Variants in CSMD3 observed in about 807,000 individuals in gnomAD.
The protein encoded by CSMD3 is CUB and sushi domain-containing protein 3.
A neutral mutation model predicts 435.2 loss-of-function variants in CSMD3; 177 were observed. The ratio of observed to expected loss-of-function variants is 0.41; its 90% CI spans 0.36 to 0.46. The LOEUF is 0.46. CSMD3 is among the 20% of genes least tolerant of loss of function. The probability of loss-of-function intolerance (pLI) is 0.34; values close to 1 mark genes in which losing one functional copy is unlikely to be tolerated. For synonymous variants in CSMD3, 1,656 were observed against 1,520.5 expected (o/e 1.09, Z -2.07); for missense variants, 4,265 against 4,504.6 (o/e 0.95, Z 1.52).
intron 3 of CSMD3, among the ~76,000 whole-genome samples, chr8:113,187,793 A>T (rs565683308): frequency 6.6e-6 from 1 of 151,910 alleles, no homozygotes; most frequent in Non-Finnish European, 1.5e-5. Flanking sequence ...ACTGTCCTAC[A>T]CAATTCTTCT....
intron 10 of CSMD3, among the ~76,000 whole-genome samples, chr8:112,900,360 G>A (rs565800221): frequency 8.9e-4 from 134 of 151,402 alleles, no homozygotes; most frequent in African/African-American, 3.0e-3. Context: ...TGGAAGATGA[G>A]ATGTGTCTCT....
chr8:113,253,793 C>G (rs1455995048), intron 3 of CSMD3, among the ~76,000 whole-genome samples: 1 of 150,502 alleles, frequency 6.6e-6, no homozygotes, highest in Non-Finnish European at 1.5e-5. Context: ...GACCCGAGAT[C>G]GTGCCACTGC....
chr8:113,117,287 C>CAAA (rs1266922411), intron 4 of CSMD3, among the ~76,000 whole-genome samples: 4 of 152,286 alleles, frequency 2.6e-5, no homozygotes, highest in South Asian at 2.1e-4. Context: ...TAAAATGGGC[C>CAAA]AAGGTACAGC....
intron 9 of CSMD3, among the ~76,000 whole-genome samples, chr8:112,937,027 T>C (rs1455850503): frequency 6.6e-6 from 1 of 152,078 alleles, no homozygotes; most frequent in African/African-American, 2.4e-5. Flanking sequence ...GTAGACAATC[T>C]ATAGAGTGTA....
chr8:113,203,643 G>T (rs1316263677), intron 3 of CSMD3, among the ~76,000 whole-genome samples: 4 of 151,856 alleles, frequency 2.6e-5, no homozygotes, highest in Non-Finnish European at 5.9e-5. Flanking sequence ...CGTTTATAGT[G>T]AAAATTTAGT....
At position 112,666,354 on chromosome 8, in the gene CSMD3, T is replaced by C. The variant is rs2075524866; in HGVS notation, c.2739A>G (p.Gly913=). The C allele has an allele frequency of 6.2e-7, 1 of 1,612,384 alleles. No individual in the cohort carries two copies. Residue 913 remains glycine (G), a synonymous_variant, in exon 17 of 71, where the codon GGA becomes GGG. Transcript: ENST00000297405. The stretch of plus-strand genomic sequence containing the variant: ...CACAATTCAAAGAGTCTTTGTAGTA[T>C]CCTGGCCATCCTGGTGAGAGAATCA... ...SGVILSPGWP[G]YYKDSLNCEW... is the part of the protein sequence containing the mutation.
intron 10 of CSMD3, among the ~76,000 whole-genome samples, chr8:112,896,914 C>T (rs2081965129): frequency 6.6e-6 from 1 of 151,374 alleles, no homozygotes; most frequent in African/African-American, 2.4e-5. Flanking sequence ...CTTCTTGCCT[C>T]TACAGGCTAT....
At chr8:113,110,686 A>G (rs2090612711) in intron 4 of CSMD3, among the ~76,000 whole-genome samples, 1 of 152,200 alleles carries the variant, frequency 6.6e-6, no homozygotes, top group African/African-American at 2.4e-5. Context: ...TATTCACAGT[A>G]ATGCAGGCTT....
intron 3 of CSMD3, among the ~76,000 whole-genome samples, chr8:113,222,966 A>G (rs1404548962): frequency 1.3e-5 from 2 of 151,074 alleles, no homozygotes; most frequent in Non-Finnish European, 3.0e-5. Flanking sequence ...GTTATTTAAA[A>G]AATGAACTAT....
chr8:112,638,157 T>G (rs999206810), intron 21 of CSMD3, among the ~76,000 whole-genome samples: 1 of 148,728 alleles, frequency 6.7e-6, no homozygotes, highest in Admixed American at 6.8e-5. Flanking sequence ...GATTATAGAT[T>G]ATCTAATTCC....
intron 4 of CSMD3, among the ~76,000 whole-genome samples, chr8:113,100,149 C>T (rs555103355): frequency 2.0e-5 from 3 of 152,100 alleles, no homozygotes; most frequent in East Asian, 3.9e-4. Context: ...GCTCTTTATC[C>T]ATTTACCTCC....
At chr8:113,079,178 G>A (rs1271506064) in intron 5 of CSMD3, among the ~76,000 whole-genome samples, 4 of 152,024 alleles carry the variant, frequency 2.6e-5, no homozygotes, top group African/African-American at 4.8e-5. Flanking sequence ...TAGTAAAATC[G>A]AGCAGATGAT....
chr8:112,555,206 T>C (rs2131216129), intron 25 of CSMD3, among the ~76,000 whole-genome samples: 1 of 152,136 alleles, frequency 6.6e-6, no homozygotes, highest in South Asian at 2.1e-4. Context: ...GCTGCGAACA[T>C]AATTAAAACC....
intron 22 of CSMD3, among the ~76,000 whole-genome samples, chr8:112,597,319 A>G (rs1831827757): frequency 6.6e-6 from 1 of 152,066 alleles, no homozygotes; most frequent in Admixed American, 6.6e-5. Flanking sequence ...TAAACCAGGA[A>G]GAAGTTGAAT....
intron 10 of CSMD3, among the ~76,000 whole-genome samples, chr8:112,913,726 A>C (rs1195898722): frequency 6.8e-6 from 1 of 146,786 alleles, no homozygotes; most frequent in Non-Finnish European, 1.5e-5. Context: ...GGTTCCTTTC[A>C]TCACCCTGTG....
chr8:113,403,894 T>C (rs1442707719), intron 1 of CSMD3, among the ~76,000 whole-genome samples: 1 of 151,444 alleles, frequency 6.6e-6, no homozygotes, highest in Non-Finnish European at 1.5e-5. Flanking sequence ...CAAATCGTAT[T>C]TTATGAGTCA....
rs151073440 is a variant in CSMD3 at position 112,429,217 on chromosome 8, C to A, written c.5396-20185G>T. 3.3e-5 allele frequency among the ~76,000 whole-genome samples: 5 copies of A among 152,166 alleles called. No individual in the cohort carries two copies. The East Asian group carries it at 7.7e-4, about 24-fold the overall frequency. The stretch of plus-strand genomic sequence containing the variant: ...TCCCACCCCACTAAATACCTCAACC[C>A]CTGTTAACCATCATTCTACTCTCTA... On this transcript the variant is annotated intron_variant, in intron 32 of 70. Coordinates refer to ENST00000297405, the MANE Select transcript of CSMD3 (RefSeq NM_198123.2).
chr8:112,393,445 T>A (rs1011480042), intron 35 of CSMD3, among the ~76,000 whole-genome samples: 5 of 152,206 alleles, frequency 3.3e-5, no homozygotes, highest in Admixed American at 2.6e-4. Flanking sequence ...TAGTTTACCA[T>A]AGCACCAAAT....
intron 36 of CSMD3, among the ~76,000 whole-genome samples, chr8:112,386,719 T>TGG (rs1563876052): frequency 2.6e-5 from 4 of 151,714 alleles, no homozygotes; most frequent in African/African-American, 4.8e-5. Context: ...GGATGGTCGC[T>TGG]ATCTCCTGAC....
Sources: allele counts gnomAD v4.1 joint callset (sites outside exome capture counted in the v4.1 genomes callset), GRCh38; gene constraint gnomAD v4.1.1; transcripts MANE v1.5; gene names NCBI Gene and HGNC (gene_info 2026-07-23, HGNC 2026-07-21).